EXT2: variants seen among roughly 807,000 people sequenced by gnomAD.
EXT2 encodes the protein exostosin glycosyltransferase 2.
Under a neutral mutation model 81.6 loss-of-function variants are expected in EXT2, and 53 were observed. That is an observed-to-expected ratio of 0.65 (90% CI 0.52 to 0.82). The LOEUF (loss-of-function observed/expected upper bound fraction) is 0.82. Ranked by LOEUF, EXT2 falls within the 40% of genes least tolerant of loss-of-function variation. The pLI is 0.00. For synonymous variants in EXT2, 320 were observed against 340.0 expected, an observed-to-expected ratio of 0.94 and a Z score of 0.65; for missense variants, 774 against 910.2, an observed-to-expected ratio of 0.85 and a Z score of 1.93.
rs372914384 is a variant in EXT2 at position 44,206,872 on chromosome 11, T to G, written c.1575T>G (p.Pro525=). The G allele has an allele frequency of 2.4e-5, 38 of 1,614,030 alleles. No individual in the cohort carries two copies. Among genetic ancestry groups the G allele is most frequent in the Non-Finnish European group, 3.1e-5 (37 of 1,180,004 alleles). ...ACAAGTTAAGTAACCGTTTCTTCCC[T>G]TATGATGAAATCGAGACAGAAGCTG... is the stretch of plus-strand genomic sequence containing the variant. ...AENKLSNRFF[P]YDEIETEAVL... Residue 525 remains proline, a synonymous_variant, in exon 10 of 14, where the codon CCT becomes CCG. Transcript: ENST00000533608.
intron 7 of EXT2, among the ~76,000 whole-genome samples, chr11:44,154,995 A>T (rs1422738470): frequency 1.3e-5 from 2 of 152,044 alleles, no homozygotes; most frequent in Non-Finnish European, 2.9e-5. Flanking sequence ...CTCCTTATAT[A>T]TTCTGGTTAT....
At chr11:44,144,849 C>T (rs1835995961) in intron 7 of EXT2, among the ~76,000 whole-genome samples, 1 of 152,098 alleles carries the variant, frequency 6.6e-6, no homozygotes, top group Non-Finnish European at 1.5e-5. Flanking sequence ...CTAACGTTCC[C>T]CAAGTAGCAT....
chr11:44,234,387 C>A, intron 12 of EXT2, 144 bp downstream of exon 12: 1 of 807,522 alleles, frequency 1.2e-6, no homozygotes. Context: ...ATGATTGATG[C>A]GGTCACATTG....
chr11:44,214,557 A>AG (rs1026068386), intron 10 of EXT2, among the ~76,000 whole-genome samples: 2 of 152,144 alleles, frequency 1.3e-5, no homozygotes, highest in African/African-American at 4.8e-5. Context: ...TGTATTTTCC[A>AG]GGGAATTTGT....
intron 13 of EXT2, among the ~76,000 whole-genome samples, chr11:44,239,819 TA>T (rs1165923787): frequency 6.7e-6 from 1 of 150,134 alleles, no homozygotes; most frequent in African/African-American, 2.5e-5. Context: ...GAAAGAACTT[TA>T]AAAAAAAATG....
At chr11:44,207,097 G>A in intron 10 of EXT2, 138 bp downstream of exon 10, 6 of 956,094 alleles carry the variant, frequency 6.3e-6, no homozygotes, top group South Asian at 1.5e-5. Context: ...CAAAAGGTGT[G>A]CGTAAGAGTG....
At chr11:44,190,978 G>A (rs990090996) in intron 8 of EXT2, among the ~76,000 whole-genome samples, 4 of 152,132 alleles carry the variant, frequency 2.6e-5, no homozygotes, top group Non-Finnish European at 4.4e-5. Context: ...TTTCCTGAAG[G>A]GGAAACCCCT....
intron 1 of EXT2, 91 bp downstream of exon 1, chr11:44,095,943 G>T: frequency 2.5e-6 from 1 of 403,156 alleles, no homozygotes; most frequent in Non-Finnish European, 4.7e-6. Context: ...GACAAGGGCC[G>T]AGGGAGCGCG....
intron 4 of EXT2, among the ~76,000 whole-genome samples, chr11:44,124,435 T>C (rs893772654): frequency 7.5e-5 from 9 of 120,656 alleles, no homozygotes; most frequent in Non-Finnish European, 1.0e-4. Context: ...AAATTATCAG[T>C]TTCTCTCCTA....
chr11:44,105,708 C>T (rs773365586), intron 1 of EXT2, among the ~76,000 whole-genome samples: 2 of 152,218 alleles, frequency 1.3e-5, no homozygotes, highest in Non-Finnish European at 2.9e-5. Context: ...TCCCCCGAAA[C>T]AGTATCCGGG....
rs546610996 is a variant in EXT2 at position 44,201,048 on chromosome 11, A to T, written c.1495+3030A>T. Among the ~76,000 whole-genome samples, 4 of 152,354 alleles carry T rather than the reference A, an allele frequency of 2.6e-5. No homozygotes were observed. In the South Asian group the frequency reaches 8.3e-4, roughly 32 times the overall value. On this transcript the variant is annotated intron_variant, in intron 9 of 13. Coordinates refer to ENST00000533608, the MANE Select transcript of EXT2 (RefSeq NM_207122.2). ...TTGTTTTTCATAAATTCTGCAACGC[A>T]TTTGAAAAATCGTATTTTTCAGGCT...
chr11:44,191,266 AG>A (rs1454197168), intron 8 of EXT2, among the ~76,000 whole-genome samples: 1 of 152,248 alleles, frequency 6.6e-6, no homozygotes, highest in East Asian at 1.9e-4. Context: ...AAACGGTGGG[AG>A]AATGGGCAAG....
intron 1 of EXT2, among the ~76,000 whole-genome samples, chr11:44,097,771 AAT>A (rs761156629): frequency 1.1e-4 from 16 of 139,354 alleles, no homozygotes; most frequent in African/African-American, 1.7e-4. Flanking sequence ...AAAATAAATA[AAT>A]AAATAAATAA....
At chr11:44,134,252 A>G (rs749520579) in intron 7 of EXT2, among the ~76,000 whole-genome samples, 1 of 152,230 alleles carries the variant, frequency 6.6e-6, no homozygotes, top group African/African-American at 2.4e-5. Flanking sequence ...ATGATTAACT[A>G]GTTAATTTAT....
At chr11:44,163,564 G>A (rs1030673178) in intron 7 of EXT2, among the ~76,000 whole-genome samples, 1 of 152,236 alleles carries the variant, frequency 6.6e-6, no homozygotes, top group African/African-American at 2.4e-5. Flanking sequence ...TTTGGCATAT[G>A]TATTTGGAAA....
In EXT2 at chr11:44,101,944, TAA is replaced by T. The variant is rs71035677; in HGVS notation, c.-30-5719_-30-5718del. ...GGTGCTGCTTGACTTGTATAATCAG[TAA>T]AAAAAAAAAAAAAAAAAAATTAAGA... On this transcript the variant is annotated intron_variant, in intron 1 of 13. Coordinates refer to ENST00000533608, the MANE Select transcript of EXT2 (RefSeq NM_207122.2). 8.2e-3 allele frequency among the ~76,000 whole-genome samples: 1,077 copies of T among 131,162 alleles called. 7 individuals are homozygous for T. The highest frequency in any genetic ancestry group is 0.013 in the African/African-American group (446 of 34,486). The allele number at this position is 131,162 out of a possible 152,430, so 86.0% of individuals were successfully genotyped here. A position where few individuals can be genotyped will look rare whatever the true frequency, so the allele number is the denominator to read the frequency against.
chr11:44,126,756 T>A (rs1954410483), intron 5 of EXT2, 60 bp from the exon 6 acceptor site: 2 of 1,611,130 alleles, frequency 1.2e-6, no homozygotes, highest in East Asian at 2.2e-5. Flanking sequence ...TCTGTAGGGA[T>A]CAAAGTTAGT....
chr11:44,247,857 A>G lies in EXT2; in HGVS notation c.*3570A>G, dbSNP rs74679911. 4.9e-3 allele frequency among the ~76,000 whole-genome samples: 749 copies of G among 152,358 alleles called. 7 individuals are homozygous for G. Among genetic ancestry groups the G allele is most frequent in the African/African-American group, 0.017 (725 of 41,582 alleles). On this transcript the variant is annotated 3_prime_UTR_variant, in exon 14 of 14. Transcript: ENST00000533608. Reference sequence around the variant, plus strand: ...GCCAGGAGGAAACTAGAGCGTCTTTATCACTGAAAGATAGCACGTTTCTAG... The same window carrying G: ...GCCAGGAGGAAACTAGAGCGTCTTTGTCACTGAAAGATAGCACGTTTCTAG...
chr11:44,169,543 GAAAC>G (rs1479622773), intron 7 of EXT2, among the ~76,000 whole-genome samples: 3 of 151,896 alleles, frequency 2.0e-5, no homozygotes, highest in Admixed American at 1.3e-4. Flanking sequence ...AGATAAATAG[GAAAC>G]AAATAGAATA....
Sources: gnomAD v4.1 joint callset for allele counts (sites outside exome capture counted in the v4.1 genomes callset) on GRCh38, gnomAD v4.1.1 for gene constraint, MANE v1.5 for transcripts, NCBI Gene and HGNC (gene_info 2026-07-23, HGNC 2026-07-21) for gene names.